Variants in ALX4 observed in about 807,000 individuals in gnomAD.
The protein encoded by ALX4 is homeobox protein aristaless-like 4.
In ALX4, 22 loss-of-function variants were observed where a neutral mutation model predicts 40.6. That is an observed-to-expected ratio of 0.54 (90% CI 0.39 to 0.77). The LOEUF (loss-of-function observed/expected upper bound fraction) is 0.77, where lower values mean the gene tolerates loss of function less well. Ranked by LOEUF, ALX4 falls within the 30% of genes least tolerant of loss-of-function variation. ALX4 has a pLI of 0.00. For synonymous variants in ALX4, 266 were observed against 240.5 expected (o/e 1.11, Z -0.98); for missense variants, 556 against 564.8 (o/e 0.98, Z 0.16).
At chr11:44,285,845 G>A (rs548720006) in intron 1 of ALX4, among the ~76,000 whole-genome samples, 3 of 152,282 alleles carry the variant, frequency 2.0e-5, no homozygotes, top group Admixed American at 6.5e-5. Flanking sequence ...TTACAGCACC[G>A]GCTCATGGGC....
chr11:44,309,728 G>GGCTGCT lies in ALX4; in HGVS notation c.329_334dup (p.Gln110_Gln111dup), dbSNP rs780001000. ...CGGTTGCGCGGGCGGCTGGGGCTGC[G>GGCTGCT]GCTGCTGCTGCTGCGGCTGCGGCTG... On this transcript the variant is annotated inframe_insertion, in exon 1 of 4. Transcript: ENST00000652299. The GGCTGCT allele has an allele frequency of 4.5e-6, 7 of 1,559,126 alleles. No individual in the cohort carries two copies. Among genetic ancestry groups the GGCTGCT allele is most frequent in the South Asian group, 2.3e-5 (2 of 85,422 alleles).
At position 44,263,443 on chromosome 11, in the gene ALX4, G is replaced by A. The variant is rs1414739165; in HGVS notation, c.*1411C>T. The stretch of plus-strand genomic sequence containing the variant: ...GGAGGCAGGAAGCCTGGTTTCAGGA[G>A]GGCATCCTGACAGCCCCATTTGCAA... On this transcript the variant is annotated 3_prime_UTR_variant, in exon 4 of 4. Transcript: ENST00000652299. 1.3e-5 allele frequency: 2 copies of A among 152,354 alleles called. No individual in the cohort carries two copies. Among genetic ancestry groups the A allele is most frequent in the Admixed American group, 6.5e-5 (1 of 15,288 alleles). The allele number at this position is 152,354 out of a possible 1,614,324, so 9.4% of individuals were successfully genotyped here.
At position 44,275,620 on chromosome 11, in the gene ALX4, C is replaced by T. The variant is rs954730060; in HGVS notation, c.505G>A (p.Asp169Asn). ...SSLGEPELPP[D>N]SDTVGMDSSY... ...CTGTCCATCCCCACAGTGTCAGAGT[C>T]AGGGGGTAACTCTGGCTCACCCAGG... Residue 169 changes from aspartate (D) to asparagine (N), a missense_variant, in exon 2 of 4, where the codon GAC (aspartate) becomes AAC (asparagine). Coordinates refer to ENST00000652299, the MANE Select transcript of ALX4 (RefSeq NM_021926.4). 6.2e-7 allele frequency: 1 copy of T among 1,613,458 alleles called. No individual in the cohort carries two copies. Among genetic ancestry groups the T allele is most frequent in the Admixed American group, 1.7e-5 (1 of 59,982 alleles).
intron 1 of ALX4, among the ~76,000 whole-genome samples, chr11:44,282,406 G>A (rs1183618342): frequency 6.6e-6 from 1 of 152,174 alleles, no homozygotes; most frequent in Non-Finnish European, 1.5e-5. Flanking sequence ...AAACACTTGG[G>A]CGGTGTCTTA....
In ALX4 at chr11:44,265,027, C is replaced by A; in HGVS notation, c.1063G>T (p.Ala355Ser). 1 of 1,613,092 alleles carries A rather than the reference C, an allele frequency of 6.2e-7. No homozygotes were observed. Among genetic ancestry groups the A allele is most frequent in the Non-Finnish European group, 8.5e-7 (1 of 1,179,932 alleles). Reference protein sequence around the residue: ...SVTDFLSVSGAGSHVGQTHMG... With the variant: ...SVTDFLSVSGSGSHVGQTHMG... ...TGCGTCTGGCCCACGTGACTGCCAG[C>A]CCCAGACACACTCAGGAAGTCGGTG... The change falls in exon 4 of 4, where the codon GCT (alanine) becomes TCT (serine). Residue 355 changes from alanine (A) to serine (S), a missense_variant. Transcript: ENST00000652299.
intron 1 of ALX4, among the ~76,000 whole-genome samples, chr11:44,284,014 T>G (rs1565004325): frequency 6.6e-6 from 1 of 152,300 alleles, no homozygotes; most frequent in East Asian, 1.9e-4. Context: ...AGATGCTCAG[T>G]AAACATTTGA....
At chr11:44,287,806 C>T (rs1956347752) in intron 1 of ALX4, among the ~76,000 whole-genome samples, 1 of 151,988 alleles carries the variant, frequency 6.6e-6, no homozygotes, top group Non-Finnish European at 1.5e-5. Context: ...GAGATTGGCC[C>T]CCTTGCAACA....
At position 44,262,818 on chromosome 11, in the gene ALX4, G is replaced by A. The variant is rs1156533888; in HGVS notation, c.*2036C>T. 6.6e-6 allele frequency: 1 copy of A among 152,194 alleles called. No individual in the cohort carries two copies. The highest frequency in any genetic ancestry group is 1.5e-5 in the Non-Finnish European group (1 of 68,036). The allele number at this position is 152,194 out of a possible 1,614,324, so 9.4% of individuals were successfully genotyped here. ...ATGGGGAAACTGTTCCCAGCCTTAA[G>A]TTCTTCCTTTCCCTGGCTAGATTTT... On this transcript the variant is annotated 3_prime_UTR_variant, in exon 4 of 4. Transcript: ENST00000652299.
intron 1 of ALX4, among the ~76,000 whole-genome samples, chr11:44,302,257 C>T (rs1205790141): frequency 6.6e-6 from 1 of 152,152 alleles, no homozygotes; most frequent in Non-Finnish European, 1.5e-5. Context: ...ACATGCCTTT[C>T]ACCGGACTAC....
intron 1 of ALX4, among the ~76,000 whole-genome samples, chr11:44,284,744 C>T (rs1297876350): frequency 6.6e-6 from 1 of 151,938 alleles, no homozygotes; most frequent in East Asian, 1.9e-4. Context: ...TTCCTTCTAC[C>T]TAGCATGTCT....
intron 1 of ALX4, among the ~76,000 whole-genome samples, chr11:44,289,652 C>T (rs1040653275): frequency 6.6e-6 from 1 of 152,178 alleles, no homozygotes; most frequent in Admixed American, 6.5e-5. Flanking sequence ...GGGGTCATTT[C>T]TATCTCAAAG....
intron 2 of ALX4, among the ~76,000 whole-genome samples, chr11:44,268,759 A>T (rs767077297): frequency 6.6e-6 from 1 of 152,188 alleles, no homozygotes; most frequent in Non-Finnish European, 1.5e-5. Flanking sequence ...CAGGCCAGGA[A>T]TGGCTTTAGG....
chr11:44,298,711 T>G (rs1346604387), intron 1 of ALX4, among the ~76,000 whole-genome samples: 1 of 151,958 alleles, frequency 6.6e-6, no homozygotes, highest in Non-Finnish European at 1.5e-5. Flanking sequence ...CTCCTCCGAC[T>G]GCTAGAGTTG....
chr11:44,301,353 G>C (rs1956433358), intron 1 of ALX4, among the ~76,000 whole-genome samples: 1 of 152,204 alleles, frequency 6.6e-6, no homozygotes, highest in Non-Finnish European at 1.5e-5. Context: ...TACACAGTGG[G>C]AGGAGTTGGT....
intron 1 of ALX4, among the ~76,000 whole-genome samples, chr11:44,277,481 G>T (rs982743465): frequency 6.6e-6 from 1 of 152,200 alleles, no homozygotes; most frequent in African/African-American, 2.4e-5. Flanking sequence ...GACCTTTCAC[G>T]TGCACGAGCT....
At position 44,275,747 on chromosome 11, in the gene ALX4, G is replaced by A. The variant is rs575657627; in HGVS notation, c.467-89C>T. On this transcript the variant is annotated intron_variant, in intron 1 of 3. Coordinates refer to ENST00000652299, the MANE Select transcript of ALX4 (RefSeq NM_021926.4). ...AGGGGGAGAGTGGGGCACTCGGGTA[G>A]CCACCCCCTGCCTTTTTCCTCTTAG... The A allele has an allele frequency of 1.2e-4, 152 of 1,259,890 alleles. 1 individual carries two copies. The South Asian group carries it at 2.1e-3, about 18-fold the overall frequency. The allele number at this position is 1,259,890 out of a possible 1,614,324, so 78.0% of individuals were successfully genotyped here.
At position 44,300,933 on chromosome 11, in the gene ALX4, C is replaced by T. The variant is rs544686954; in HGVS notation, c.466+8664G>A. 9.8e-4 allele frequency among the ~76,000 whole-genome samples: 150 copies of T among 152,342 alleles called. 1 individual carries two copies. The highest frequency in any genetic ancestry group is 3.3e-3 in the African/African-American group (136 of 41,590). The stretch of plus-strand genomic sequence containing the variant: ...CCAGTAAGCTACCAAACCCTGGTGG[C>T]GCCTGCACGCCCCAGGGCAAGCCAG... On this transcript the variant is annotated intron_variant, in intron 1 of 3. Coordinates refer to ENST00000652299, the MANE Select transcript of ALX4 (RefSeq NM_021926.4).
chr11:44,303,337 C>G (rs1025988336), intron 1 of ALX4, among the ~76,000 whole-genome samples: 8 of 152,198 alleles, frequency 5.3e-5, no homozygotes, highest in African/African-American at 1.9e-4. Context: ...GGCGCCAGTG[C>G]CCAGCAGCCT....
intron 2 of ALX4, among the ~76,000 whole-genome samples, chr11:44,271,328 G>A (rs772934318): frequency 5.3e-5 from 8 of 152,202 alleles, no homozygotes; most frequent in Admixed American, 2.0e-4. Context: ...CAGGAGTCCC[G>A]GATTCCAGTC....
Sources: allele counts gnomAD v4.1 joint callset (sites outside exome capture counted in the v4.1 genomes callset), GRCh38; gene constraint gnomAD v4.1.1; transcripts MANE v1.5; gene names NCBI Gene and HGNC (gene_info 2026-07-23, HGNC 2026-07-21).